GGPS1: variants seen among roughly 807,000 people sequenced by gnomAD.
The protein encoded by GGPS1 is geranylgeranyl diphosphate synthase 1, also known as geranylgeranyl pyrophosphate synthase.
In GGPS1, 15 loss-of-function variants were observed where a neutral mutation model predicts 28.1. The observed-to-expected ratio is 0.53, with a 90% confidence interval of 0.36 to 0.82. The LOEUF is 0.82. GGPS1 is among the 40% of genes least tolerant of loss of function. GGPS1 has a pLI of 0.01. For synonymous variants in GGPS1, 138 were observed against 122.4 expected (o/e 1.13, Z -0.84); for missense variants, 284 against 348.3 (o/e 0.82, Z 1.47).
At chr1:235,339,400 G>A (rs527778496) in intron 2 of GGPS1, among the ~76,000 whole-genome samples, 20 of 152,206 alleles carry the variant, frequency 1.3e-4, no homozygotes, top group Non-Finnish European at 2.4e-4. Context: ...CCCAGGAGGC[G>A]AAGGTTGTGG....
intron 2 of GGPS1, among the ~76,000 whole-genome samples, chr1:235,338,242 C>G (rs1177030457): frequency 6.6e-6 from 1 of 151,440 alleles, no homozygotes; most frequent in Non-Finnish European, 1.5e-5. Context: ...ATTAGCCAGG[C>G]ATGTGATACG....
intron 1 of GGPS1, chr1:235,329,665 G>C (rs771874959): frequency 2.0e-5 from 3 of 152,290 alleles, no homozygotes; most frequent in Non-Finnish European, 4.4e-5. Flanking sequence ...GATGGGATGA[G>C]GGGGAGTGTC....
chr1:235,341,958 CTGAG>C (rs1676057641), intron 3 of GGPS1, 49 bp from the exon 4 acceptor site: 27 of 1,144,600 alleles, frequency 2.4e-5, no homozygotes, highest in East Asian at 1.7e-4. Flanking sequence ...GTTAATTAAA[CTGAG>C]TAAGTTTTGA....
rs771086310 is a variant in GGPS1, at chr1:235,342,462, A to G, written c.593A>G (p.Tyr198Cys). ...TATGCTAATCTACACTCCAAAGAAT[A>G]TAGTGAAAACAAAAGTTTTTGTGAA... is the stretch of plus-strand genomic sequence containing the variant. ...DDYANLHSKEYSENKSFCEDL... is the reference protein window; with the variant it reads ...DDYANLHSKECSENKSFCEDL... Residue 198 changes from tyrosine (Y) to cysteine (C), a missense_variant, in exon 4 of 4, where the codon TAT becomes TGT. By Grantham distance (194) the Tyr-to-Cys change is radical. Coordinates refer to ENST00000282841, the MANE Select transcript of GGPS1 (RefSeq NM_004837.4). 3.1e-6 allele frequency: 5 copies of G among 1,612,860 alleles called. No homozygotes were observed. In the South Asian group the frequency reaches 5.5e-5, roughly 18 times the overall value.
chr1:235,339,897 A>G (rs1018855245), intron 2 of GGPS1, among the ~76,000 whole-genome samples: 1 of 152,226 alleles, frequency 6.6e-6, no homozygotes, highest in Non-Finnish European at 1.5e-5. Context: ...TACTAAGTGA[A>G]CTGGCCATGG....
At chr1:235,333,067 CAAAA>C (rs5781828) in intron 1 of GGPS1, among the ~76,000 whole-genome samples, 1 of 43,312 alleles carries the variant, frequency 2.3e-5, no homozygotes. Context: ...GACTCCGTCT[CAAAA>C]AAAAAAAAAA....
chr1:235,332,601 G>A (rs2103340194), intron 1 of GGPS1, among the ~76,000 whole-genome samples: 1 of 152,232 alleles, frequency 6.6e-6, no homozygotes, highest in African/African-American at 2.4e-5. Context: ...GGATTTGCTT[G>A]GCTGCATGTA....
At position 235,341,941 on chromosome 1, in the gene GGPS1, A is replaced by G. The variant is rs77160271; in HGVS notation, c.142-70A>G. On this transcript the variant is annotated intron_variant, in intron 3 of 3. Transcript: ENST00000282841. The stretch of plus-strand genomic sequence containing the variant: ...GAAAATTAACACACCTGAGACTTTC[A>G]TAATCTGTTAATTAAACTGAGTAAG... 9.0e-3 allele frequency: 9,318 copies of G among 1,031,168 alleles called. 651 individuals are homozygous for G. The African/African-American group carries it at 0.14, about 15-fold the overall frequency. The allele number at this position is 1,031,168 out of a possible 1,614,324, so 63.9% of individuals were successfully genotyped here.
At chr1:235,336,618 C>G (rs975993489) in intron 2 of GGPS1, among the ~76,000 whole-genome samples, 3 of 152,032 alleles carry the variant, frequency 2.0e-5, no homozygotes, top group African/African-American at 7.3e-5. Flanking sequence ...TAACAAGTCC[C>G]CCTCTCTGTT....
chr1:235,330,496 A>G (rs1235465573), intron 1 of GGPS1: 1 of 152,086 alleles, frequency 6.6e-6, no homozygotes, highest in Non-Finnish European at 1.5e-5. Flanking sequence ...GAAGAAAGAC[A>G]CAAGGCAAGT....
intron 2 of GGPS1, among the ~76,000 whole-genome samples, chr1:235,341,498 GGTT>G (rs1252814581): frequency 1.3e-5 from 2 of 152,152 alleles, no homozygotes; most frequent in Non-Finnish European, 2.9e-5. Context: ...AATTTTAGAA[GGTT>G]GTGCACTTTA....
rs1373364299 is a variant in GGPS1, at chr1:235,343,179, A to AAT, written c.*408_*409dup. On this transcript the variant is annotated 3_prime_UTR_variant, in exon 4 of 4. Transcript: ENST00000282841. ...TTAGCTAGCTGGACCAAAGACCACAAATCTCTTTTTTTCCTAAACGCTGCT... is the reference window on the plus strand; with the variant it reads ...TTAGCTAGCTGGACCAAAGACCACAAATATCTCTTTTTTTCCTAAACGCTGCT... 3 of 169,112 alleles carry AAT rather than the reference A, an allele frequency of 1.8e-5. No homozygotes were observed. The highest frequency in any genetic ancestry group is 7.2e-5 in the African/African-American group (3 of 41,486). 10.5% of individuals were successfully genotyped at this position (169,112 alleles called of 1,614,324 possible). A position where few individuals can be genotyped will look rare whatever the true frequency, so the allele number is the denominator to read the frequency against.
At chr1:235,337,827 AAG>A (rs1491270465) in intron 2 of GGPS1, among the ~76,000 whole-genome samples, 2 of 151,950 alleles carry the variant, frequency 1.3e-5, no homozygotes, top group Non-Finnish European at 2.9e-5. Context: ...AAAAAAAAAA[AAG>A]GATTTTCTGA....
At chr1:235,328,945 G>A (rs549609801) in intron 1 of GGPS1, 167 bp downstream of exon 1, 1 of 152,782 alleles carries the variant, frequency 6.5e-6, no homozygotes, top group Non-Finnish European at 1.5e-5. Context: ...GGGAGAGGAA[G>A]GGTTGGCCAA....
At position 235,342,600 on chromosome 1, in the gene GGPS1, A is replaced by G. The variant is rs756368919; in HGVS notation, c.731A>G (p.Lys244Arg). The G allele has an allele frequency of 1.9e-6, 3 of 1,611,884 alleles. No homozygotes were observed. The highest frequency in any genetic ancestry group is 2.7e-5 in the African/African-American group (2 of 74,904). The change falls in exon 4 of 4, where the codon AAA (lysine) becomes AGA (arginine). Residue 244 changes from lysine (K) to arginine (R), a missense_variant. Lys to Arg is a conservative substitution (Grantham distance 26). Coordinates refer to ENST00000282841, the MANE Select transcript of GGPS1 (RefSeq NM_004837.4). ...CAGAGAACAGAAAACATAGATATAA[A>G]AAAATACTGTGTACATTATCTTGAG... Reference protein sequence around the residue: ...LRQRTENIDIKKYCVHYLEDV... With the variant: ...LRQRTENIDIRKYCVHYLEDV...
chr1:235,331,596 A>G (rs1322907798), intron 1 of GGPS1, among the ~76,000 whole-genome samples: 1 of 148,650 alleles, frequency 6.7e-6, no homozygotes, highest in Non-Finnish European at 1.5e-5. Context: ...CAGTGTATAC[A>G]TTTGTGTTGC....
intron 2 of GGPS1, among the ~76,000 whole-genome samples, chr1:235,338,975 C>A (rs1675946315): frequency 6.6e-6 from 1 of 151,926 alleles, no homozygotes; most frequent in East Asian, 1.9e-4. Flanking sequence ...ACCAGCCTGG[C>A]CAACATGGGG....
chr1:235,339,761 C>CAA (rs34043751), intron 2 of GGPS1, among the ~76,000 whole-genome samples: 39 of 130,646 alleles, frequency 3.0e-4, no homozygotes, highest in Non-Finnish European at 2.9e-4. Flanking sequence ...ATTCCATCTC[C>CAA]AAAAAAAAAA....
chr1:235,338,746 G>A (rs12095966), intron 2 of GGPS1, among the ~76,000 whole-genome samples: 2 of 151,976 alleles, frequency 1.3e-5, no homozygotes, highest in Non-Finnish European at 2.9e-5. Flanking sequence ...AGCCAGGCAT[G>A]GTGGCTTGTT....
Sources: allele counts gnomAD v4.1 joint callset (sites outside exome capture counted in the v4.1 genomes callset), GRCh38; gene constraint gnomAD v4.1.1; transcripts MANE v1.5; gene names NCBI Gene and HGNC (gene_info 2026-07-23, HGNC 2026-07-21).